Variants in SUSD4 observed in about 807,000 individuals in gnomAD.
The protein encoded by SUSD4 is sushi domain containing 4, also known as sushi domain-containing protein 4.
A neutral mutation model predicts 50.5 loss-of-function variants in SUSD4; 41 were observed. That is an observed-to-expected ratio of 0.81 (90% CI 0.63 to 1.05). The LOEUF (loss-of-function observed/expected upper bound fraction) is 1.05. SUSD4 is among the 50% of genes least tolerant of loss of function. SUSD4 has a pLI of 0.00. For missense variants in SUSD4, 580 were observed against 634.7 expected, an observed-to-expected ratio of 0.91 and a Z score of 0.93; for synonymous variants, 257 against 257.3, an observed-to-expected ratio of 1.00 and a Z score of 0.01.
intron 2 of SUSD4, among the ~76,000 whole-genome samples, chr1:223,354,300 T>C (rs1668534044): frequency 6.6e-6 from 1 of 151,708 alleles, no homozygotes; most frequent in East Asian, 1.9e-4. Flanking sequence ...AAAATTCTTA[T>C]TATGACCAAT....
intron 5 of SUSD4, among the ~76,000 whole-genome samples, chr1:223,256,875 G>C (rs1050229984): frequency 2.6e-5 from 4 of 152,168 alleles, no homozygotes; most frequent in Admixed American, 2.6e-4. Flanking sequence ...GGAGGCACAG[G>C]GGCCGGTTGC....
At chr1:223,355,382 C>A (rs1668604760) in intron 2 of SUSD4, among the ~76,000 whole-genome samples, 1 of 151,958 alleles carries the variant, frequency 6.6e-6, no homozygotes, top group African/African-American at 2.4e-5. Context: ...CCACACCCAG[C>A]TAATTTTTGT....
At chr1:223,341,273 C>T (rs1667740754) in intron 2 of SUSD4, among the ~76,000 whole-genome samples, 1 of 152,176 alleles carries the variant, frequency 6.6e-6, no homozygotes, top group East Asian at 1.9e-4. Flanking sequence ...CTTGGCAGTC[C>T]ACAGGCACTG....
In SUSD4 at chr1:223,231,050, G is replaced by A. The variant is rs1027020845; in HGVS notation, c.725-1662C>T. Among the ~76,000 whole-genome samples the A allele has an allele frequency of 1.9e-4, 29 of 152,164 alleles. No individual in the cohort carries two copies. Among genetic ancestry groups the A allele is most frequent in the African/African-American group, 4.8e-4 (20 of 41,436 alleles). On this transcript the variant is annotated intron_variant, in intron 5 of 8. Coordinates refer to ENST00000366878, the MANE Select transcript of SUSD4 (RefSeq NM_017982.4). This position sits in a 1 kb window ranked among gnomAD's most constrained non-coding sequence, Gnocchi z 4.2. ...TTAGTGAGAGCAGGAAGCCACTACC[G>A]CTCCTGGGCTGGTGGGATGAAGGGG...
chr1:223,251,031 G>A (rs1661267307), intron 5 of SUSD4, among the ~76,000 whole-genome samples: 1 of 152,196 alleles, frequency 6.6e-6, no homozygotes, highest in Non-Finnish European at 1.5e-5. Flanking sequence ...CCTGGTACCT[G>A]TGAATGTGGG....
intron 2 of SUSD4, among the ~76,000 whole-genome samples, chr1:223,297,062 G>A (rs1664871403): frequency 6.6e-6 from 1 of 152,194 alleles, no homozygotes; most frequent in Admixed American, 6.5e-5. Context: ...TTTCAGGAAG[G>A]AAGAAATGGA....
intron 5 of SUSD4, among the ~76,000 whole-genome samples, chr1:223,240,139 A>T (rs1660481093): frequency 6.6e-6 from 1 of 152,132 alleles, no homozygotes; most frequent in South Asian, 2.1e-4. Flanking sequence ...TTCTGAGAAG[A>T]AGTCAGATAT....
rs546809399 is a variant in SUSD4 at position 223,279,055 on chromosome 1, A to C, written c.362-10380T>G. On this transcript the variant is annotated intron_variant, in intron 3 of 8. Coordinates refer to ENST00000366878, the MANE Select transcript of SUSD4 (RefSeq NM_017982.4). ...ACTAACAAACAGAAAGGACATCCAC[A>C]CCAAAACCCCATCTGTACGTCACCA... Among the ~76,000 whole-genome samples the C allele has an allele frequency of 2.1e-4, 32 of 152,326 alleles. No individual in the cohort carries two copies. The South Asian group carries it at 4.6e-3, about 22-fold the overall frequency.
In SUSD4 at chr1:223,268,491, C is replaced by T. The variant is rs1662676741; in HGVS notation, c.535+11G>A. 1.2e-6 allele frequency: 2 copies of T among 1,606,708 alleles called. No individual in the cohort carries two copies. Among genetic ancestry groups the T allele is most frequent in the Non-Finnish European group, 1.7e-6 (2 of 1,176,328 alleles). ...ATAGCCCAGCTGAGAACTGAAGCAT[C>T]AGTCCCGTACCTTGACAGATGGGCA... On this transcript the variant is annotated intron_variant, in intron 4 of 8. Transcript: ENST00000366878.
chr1:223,286,956 G>A (rs1407423789), intron 3 of SUSD4, among the ~76,000 whole-genome samples: 2 of 152,230 alleles, frequency 1.3e-5, no homozygotes, highest in African/African-American at 4.8e-5. Context: ...TCACTCTTCT[G>A]GGTGATGTAG....
At chr1:223,311,056 G>A (rs1665844228) in intron 2 of SUSD4, among the ~76,000 whole-genome samples, 1 of 152,314 alleles carries the variant, frequency 6.6e-6, no homozygotes, top group African/African-American at 2.4e-5. Flanking sequence ...GTGCTTTATA[G>A]CTCTCCTCCC....
At chr1:223,283,557 T>C (rs1663911063) in intron 3 of SUSD4, among the ~76,000 whole-genome samples, 1 of 152,236 alleles carries the variant, frequency 6.6e-6, no homozygotes, top group Non-Finnish European at 1.5e-5. Context: ...GTTGGAATGG[T>C]GATCATTAAA....
rs187861065 is a variant in SUSD4 at position 223,264,477 on chromosome 1, G to A, written c.724+153C>T. On this transcript the variant is annotated intron_variant, in intron 5 of 8. Coordinates refer to ENST00000366878, the MANE Select transcript of SUSD4 (RefSeq NM_017982.4). ...CATCTAATTGTAAATATGGCTTCAC[G>A]GCAGCTGATCTCTGCTCTGGAGAAA... 1.8e-5 allele frequency: 24 copies of A among 1,370,586 alleles called. No individual in the cohort carries two copies. The East Asian group carries it at 4.9e-4, about 28-fold the overall frequency. The allele number at this position is 1,370,586 out of a possible 1,614,324, so 84.9% of individuals were successfully genotyped here.
Position 223,227,820 on chromosome 1 carries a change from A to T in SUSD4, c.917-82T>A, listed in dbSNP as rs1659621347. On this transcript the variant is annotated intron_variant, in intron 6 of 8. Coordinates refer to ENST00000366878, the MANE Select transcript of SUSD4 (RefSeq NM_017982.4). This position sits in a 1 kb window ranked among gnomAD's most constrained non-coding sequence, Gnocchi z 4.5. ...GGTTCCCCGTGGGCTCATTTGCTGG[A>T]TTCATCTGGCACAAGAGATGCGTGC... 1.3e-6 allele frequency: 2 copies of T among 1,498,626 alleles called. No homozygotes were observed. The highest frequency in any genetic ancestry group is 5.0e-5 in the East Asian group (2 of 40,272). 92.8% of individuals were successfully genotyped at this position (1,498,626 alleles called of 1,614,324 possible).
At chr1:223,364,259 GGGAGCCCGGCCGCGCGCCCCCGC>G (rs1669187780), upstream of SUSD4, 1 of 149,034 alleles carries the variant, frequency 6.7e-6, no homozygotes, top group Non-Finnish European at 1.5e-5. The surrounding 1 kb of genome is among the most constrained non-coding windows in gnomAD (Gnocchi z 4.5). Context: ...GGGGGAGGAC[GGGAGCCCGGCCGCGCGCCCCCGC>G]GGAGGCGCCC....
At chr1:223,301,400 T>G (rs1665185300) in intron 2 of SUSD4, among the ~76,000 whole-genome samples, 1 of 152,214 alleles carries the variant, frequency 6.6e-6, no homozygotes, top group South Asian at 2.1e-4. Context: ...TTCCTGGGGA[T>G]GAAAGGTATT....
intron 2 of SUSD4, among the ~76,000 whole-genome samples, chr1:223,357,404 T>G (rs1668724810): frequency 6.6e-6 from 1 of 152,220 alleles, no homozygotes; most frequent in Non-Finnish European, 1.5e-5. Context: ...ATTTAGGGAT[T>G]GGGATTTCCA....
At chr1:223,241,664 C>T (rs1288745056) in intron 5 of SUSD4, among the ~76,000 whole-genome samples, 1 of 152,114 alleles carries the variant, frequency 6.6e-6, no homozygotes, top group Admixed American at 6.5e-5. Context: ...AACTGAAAGT[C>T]CCCCCAAAGG....
At chr1:223,329,813 AATGGATGG>A (rs147728507) in intron 2 of SUSD4, among the ~76,000 whole-genome samples, 3 of 152,156 alleles carry the variant, frequency 2.0e-5, no homozygotes, top group South Asian at 2.1e-4. Flanking sequence ...TAGATAAATG[AATGGATGG>A]ATGGATGGAT....
Sources: gnomAD v4.1 joint callset for allele counts (sites outside exome capture counted in the v4.1 genomes callset) on GRCh38, gnomAD v4.1.1 for gene constraint, Gnocchi (gnomAD v3.1) non-coding constraint, MANE v1.5 for transcripts, NCBI Gene and HGNC (gene_info 2026-07-23, HGNC 2026-07-21) for gene names.